Variants in TAB2 observed in about 807,000 individuals in gnomAD.
TAB2 encodes the protein TGF-beta-activated kinase 1 and MAP3K7-binding protein 2.
A neutral mutation model predicts 65.0 loss-of-function variants in TAB2; 3 were observed. The observed-to-expected ratio is 0.05, with a 90% CI of 0.02 to 0.12. The LOEUF (loss-of-function observed/expected upper bound fraction) is 0.12, where lower values mean the gene tolerates loss of function less well. Among genes scored for constraint, TAB2 ranks in the 10% least tolerant of loss-of-function variants. The pLI is 1.00. For synonymous variants in TAB2, 298 were observed against 285.1 expected, an observed-to-expected ratio of 1.05 and a Z score of -0.46; for missense variants, 623 against 840.3, an observed-to-expected ratio of 0.74 and a Z score of 3.20.
intron 1 of TAB2, among the ~76,000 whole-genome samples, chr6:149,369,185 A>G (rs530099782): frequency 2.4e-4 from 36 of 152,274 alleles, no homozygotes; most frequent in South Asian, 1.0e-3. Context: ...AGATTTTTCA[A>G]CATTAAACAT....
chr6:149,396,755 A>G (rs1782185368), intron 3 of TAB2, among the ~76,000 whole-genome samples: 1 of 152,246 alleles, frequency 6.6e-6, no homozygotes, highest in African/African-American at 2.4e-5. Flanking sequence ...TATTTTCACA[A>G]AATATAATCT....
rs796313931 is a variant in TAB2 at position 149,223,902 on chromosome 6, G to GA, written c.-121+5137dup. On this transcript the variant is annotated intron_variant, in intron 1 of 1. Coordinates refer to the TAB2 transcript ENST00000606202. ...CTACACACCTCCCCCTTTAGGAAAA[G>GA]AAAAAAAAAAACTGTAGAGACTGTC... Among the ~76,000 whole-genome samples, 1,131 of 143,220 alleles carry GA rather than the reference G, an allele frequency of 7.9e-3. 11 individuals carry two copies. The highest frequency in any genetic ancestry group is 0.021 in the East Asian group (107 of 4,980). The allele number at this position is 143,220 out of a possible 152,430, so 94.0% of individuals were successfully genotyped here.
At chr6:149,350,359 A>C (rs551220273) in intron 1 of TAB2, among the ~76,000 whole-genome samples, 2 of 152,168 alleles carry the variant, frequency 1.3e-5, no homozygotes, top group Non-Finnish European at 2.9e-5. Context: ...CATTTTTCAG[A>C]TCTCTTAAAT....
intron 1 of TAB2, among the ~76,000 whole-genome samples, chr6:149,337,784 C>A (rs1779979441): frequency 1.3e-5 from 2 of 152,084 alleles, no homozygotes; most frequent in Non-Finnish European, 2.9e-5. Flanking sequence ...ACTATACTTA[C>A]ACAGAGGGTG....
At chr6:149,349,607 T>C (rs1299859169) in intron 1 of TAB2, among the ~76,000 whole-genome samples, 1 of 152,152 alleles carries the variant, frequency 6.6e-6, no homozygotes. Flanking sequence ...TGTGTTCACC[T>C]AGTGTTTCTT....
intron 1 of TAB2, among the ~76,000 whole-genome samples, chr6:149,252,407 A>C (rs1777881164): frequency 6.6e-6 from 1 of 151,748 alleles, no homozygotes; most frequent in Admixed American, 6.6e-5. Context: ...CCTCAAAAAA[A>C]AAAAAAAAAA....
At chr6:149,389,645 CA>C (rs370622661) in intron 3 of TAB2, among the ~76,000 whole-genome samples, 2,178 of 86,882 alleles carry the variant, frequency 0.025, 36 homozygotes, top group African/African-American at 0.064. Context: ...AACTCTGTGT[CA>C]AAAAAAAAAA....
intron 1 of TAB2, among the ~76,000 whole-genome samples, chr6:149,230,448 C>T (rs1050018068): frequency 3.3e-5 from 5 of 152,218 alleles, no homozygotes; most frequent in Non-Finnish European, 5.9e-5. Context: ...TCTACTCCTG[C>T]ATTCATCAGT....
Position 149,397,553 on chromosome 6 carries a change from G to C in TAB2, c.1604-51G>C, listed in dbSNP as rs1286226069. ...TTTGCTTTTCCAAGTCTGCTTAAAG[G>C]TTAATTGATTAAAGTGGGTGGGTCC... On this transcript the variant is annotated intron_variant, in intron 3 of 6. Coordinates refer to ENST00000637181, the MANE Select transcript of TAB2 (RefSeq NM_001292034.3). 4 of 1,600,368 alleles carry C rather than the reference G, an allele frequency of 2.5e-6. No individual in the cohort carries two copies. The East Asian group carries it at 8.9e-5, about 36-fold the overall frequency.
chr6:149,402,373 A>G (rs574160702), intron 6 of TAB2, among the ~76,000 whole-genome samples: 4 of 152,308 alleles, frequency 2.6e-5, no homozygotes, highest in South Asian at 4.1e-4. Context: ...GATATCACCT[A>G]TTAAAGCTGA....
chr6:149,307,953 T>A (rs988292262), intron 1 of TAB2, among the ~76,000 whole-genome samples: 2 of 152,310 alleles, frequency 1.3e-5, no homozygotes, highest in Non-Finnish European at 2.9e-5. Flanking sequence ...CCCACATTTT[T>A]AAAATGGGAT....
chr6:149,335,257 C>T (rs1283641833), intron 1 of TAB2, among the ~76,000 whole-genome samples: 5 of 151,682 alleles, frequency 3.3e-5, no homozygotes, highest in Admixed American at 2.0e-4. Flanking sequence ...TACCACCCCA[C>T]CCCACCTCAC....
At chr6:149,240,039 AAGC>A (rs36038166) in intron 1 of TAB2, among the ~76,000 whole-genome samples, 49,010 of 151,884 alleles carry the variant, frequency 0.32, 7,938 homozygotes, top group Admixed American at 0.4. Context: ...AAGTAGCAGA[AAGC>A]AGCAGCAGGA....
chr6:149,239,024 C>G (rs77204097), intron 1 of TAB2, among the ~76,000 whole-genome samples: 1 of 152,142 alleles, frequency 6.6e-6, no homozygotes, highest in African/African-American at 2.4e-5. Flanking sequence ...GTGGAAATAT[C>G]TCTGGGACCT....
At chr6:149,327,227 A>G (rs1779646699) in intron 1 of TAB2, among the ~76,000 whole-genome samples, 1 of 152,218 alleles carries the variant, frequency 6.6e-6, no homozygotes, top group African/African-American at 2.4e-5. Flanking sequence ...ATCATTATAA[A>G]ATATAGGCAA....
At chr6:149,339,103 C>T (rs763836082) in intron 1 of TAB2, among the ~76,000 whole-genome samples, 7 of 152,152 alleles carry the variant, frequency 4.6e-5, no homozygotes, top group Non-Finnish European at 7.3e-5. Context: ...CAGTGGCTCA[C>T]GCCTGTAATC....
chr6:149,358,033 T>C (rs1170700907), intron 1 of TAB2, among the ~76,000 whole-genome samples: 1 of 152,170 alleles, frequency 6.6e-6, no homozygotes, highest in Non-Finnish European at 1.5e-5. Context: ...ATTGTCTGTT[T>C]TCTCAAGTAA....
chr6:149,313,435 C>T (rs1394454554), upstream of TAB2, among the ~76,000 whole-genome samples: 4 of 152,174 alleles, frequency 2.6e-5, no homozygotes, highest in South Asian at 2.1e-4. Flanking sequence ...TTGCACCTCT[C>T]CGTCCAGGGT....
chr6:149,361,072 G>A (rs1223363253), intron 1 of TAB2, among the ~76,000 whole-genome samples: 1 of 152,246 alleles, frequency 6.6e-6, no homozygotes, highest in Non-Finnish European at 1.5e-5. Context: ...AGCACAAGGT[G>A]TAAGCTGCTG....
Sources: gnomAD v4.1 joint callset for allele counts (sites outside exome capture counted in the v4.1 genomes callset) on GRCh38, gnomAD v4.1.1 for gene constraint, MANE v1.5 for transcripts, NCBI Gene and HGNC (gene_info 2026-07-23, HGNC 2026-07-21) for gene names.